The following CEP72 variants were observed in gnomAD, a reference collection of about 807,000 sequenced individuals.
CEP72 encodes centrosomal protein 72.
CEP72 carries 78 observed loss-of-function variants against 65.7 expected under a neutral mutation model. The ratio of observed to expected loss-of-function variants is 1.19; its 90% confidence interval spans 0.99 to 1.43. The LOEUF (loss-of-function observed/expected upper bound fraction) is 1.43, where lower values mean the gene tolerates loss of function less well. Among genes scored for constraint, CEP72 ranks in the 40% most tolerant of loss-of-function variants. The pLI, the probability that CEP72 is intolerant of heterozygous loss-of-function variation, is 0.00. For missense variants in CEP72, 914 were observed against 832.9 expected, an observed-to-expected ratio of 1.10 and a Z score of -1.20; for synonymous variants, 358 against 351.7, an observed-to-expected ratio of 1.02 and a Z score of -0.20.
intron 1 of CEP72, chr5:663,029 C>T (rs969132321): frequency 1.3e-5 from 2 of 150,844 alleles, no homozygotes; most frequent in Admixed American, 6.6e-5. Flanking sequence ...CGTCTGTGAT[C>T]GGGTGAGTCC....
At chr5:628,919 C>T (rs1030667516) in intron 4 of CEP72, among the ~76,000 whole-genome samples, 5 of 138,916 alleles carry the variant, frequency 3.6e-5, no homozygotes, top group Admixed American at 7.0e-5. Context: ...GGACCCAGCC[C>T]CCTTCTTTGT....
At chr5:613,525 C>T (rs1735809551) in intron 1 of CEP72, among the ~76,000 whole-genome samples, 1 of 152,172 alleles carries the variant, frequency 6.6e-6, no homozygotes, top group Admixed American at 6.5e-5. Context: ...GCCACCATGC[C>T]CGGCTAATTT....
the CEP72 span, among the ~76,000 whole-genome samples, chr5:674,126 G>A: frequency 6.6e-6 from 1 of 152,206 alleles, no homozygotes; most frequent in African/African-American, 2.4e-5. Context: ...CTCCCGCCCA[G>A]CCCTTCTAGG....
chr5:670,355 G>C (rs1740174521), downstream of CEP72, among the ~76,000 whole-genome samples: 1 of 152,344 alleles, frequency 6.6e-6, no homozygotes, highest in East Asian at 1.9e-4. Context: ...AGCTGCTGTG[G>C]CTGGAGTGCC....
downstream of CEP72, among the ~76,000 whole-genome samples, chr5:654,080 AGT>A (rs70955274): frequency 0.38 from 45,903 of 119,854 alleles, 7,302 homozygotes; most frequent in East Asian, 0.61. Context: ...GTGTGCGCCT[AGT>A]GTGTGTGTGC....
At position 620,374 on chromosome 5, in the gene CEP72, C is replaced by T. The variant is rs536778831; in HGVS notation, c.403+113C>T. 179 of 940,872 alleles carry T rather than the reference C, an allele frequency of 1.9e-4. 1 individual carries two copies. The highest frequency in any genetic ancestry group is 1.2e-3 in the African/African-American group (75 of 60,482). 58.3% of individuals were successfully genotyped at this position (940,872 alleles called of 1,614,324 possible). On this transcript the variant is annotated intron_variant, in intron 3 of 11. Coordinates refer to ENST00000264935, the MANE Select transcript of CEP72 (RefSeq NM_018140.4). The stretch of plus-strand genomic sequence containing the variant: ...GTCACATGCTTGATTCCTTCTGGAA[C>T]GGGGAGTTGGTTTTCTACGCTGGTG...
chr5:642,598 G>A lies in CEP72; in HGVS notation c.1540-1701G>A, dbSNP rs1580000543. The A allele has an allele frequency of 3.0e-6, 3 of 985,374 alleles. No individual in the cohort carries two copies. The African/African-American group carries it at 5.2e-5, about 17-fold the overall frequency. 61.0% of individuals were successfully genotyped at this position (985,374 alleles called of 1,614,324 possible). On this transcript the variant is annotated intron_variant, in intron 9 of 11. Transcript: ENST00000264935. ...GGGGTGAGAGTCACATGCAGCTGTG[G>A]CTGCCGTGGACGCCTGCTTTTTTGC...
In CEP72 at chr5:637,523, T is replaced by A; in HGVS notation, c.911T>A (p.Met304Lys). ...CATCCTCTCTATATCTCAGACTCCATGGATACCGAGGACTCGGCCTCTTCT... is the reference window on the plus strand; with the variant it reads ...CATCCTCTCTATATCTCAGACTCCAAGGATACCGAGGACTCGGCCTCTTCT... ...HTYFTPHPDS[M>K]DTEDSASSQK... Residue 304 changes from methionine to lysine, a missense_variant, in exon 7 of 12, where the codon ATG becomes AAG. Transcript: ENST00000264935. 13 of 1,612,684 alleles carry A rather than the reference T, an allele frequency of 8.1e-6. No individual in the cohort carries two copies. The highest frequency in any genetic ancestry group is 1.1e-5 in the Non-Finnish European group (13 of 1,179,094).
chr5:652,539 A>G (rs1739176087), intron 11 of CEP72, among the ~76,000 whole-genome samples: 1 of 152,246 alleles, frequency 6.6e-6, no homozygotes, highest in African/African-American at 2.4e-5. Flanking sequence ...ATTAAAGACT[A>G]GGACTCTTCT....
chr5:612,724 A>T, intron 1 of CEP72: 1 of 792,390 alleles, frequency 1.3e-6, no homozygotes, highest in Non-Finnish European at 1.5e-6. Context: ...CGCTGAGAAG[A>T]GGGAGCCGGC....
At chr5:660,081 G>C (rs966312088), downstream of CEP72, 2 of 152,188 alleles carry the variant, frequency 1.3e-5, no homozygotes, top group African/African-American at 4.8e-5. Flanking sequence ...GTGCGGTTTA[G>C]ACATCAGCAG....
chr5:649,076 G>T (rs1440367664), intron 11 of CEP72, among the ~76,000 whole-genome samples: 2 of 143,910 alleles, frequency 1.4e-5, no homozygotes. Context: ...GGACTGTGAG[G>T]TGTGACTGTG....
chr5:671,893 C>T (rs367597), downstream of CEP72, among the ~76,000 whole-genome samples: 1 of 152,214 alleles, frequency 6.6e-6, no homozygotes, highest in South Asian at 2.1e-4. Context: ...ACCCTTCCCC[C>T]GGGCTGGGTA....
downstream of CEP72, among the ~76,000 whole-genome samples, chr5:671,561 C>T (rs148812131): frequency 2.0e-5 from 3 of 152,220 alleles, no homozygotes; most frequent in South Asian, 2.1e-4. Context: ...ACTGGCCAAG[C>T]GCAGGAGACG....
At chr5:636,512 ACCT>A (rs998732854) in intron 6 of CEP72, among the ~76,000 whole-genome samples, 4 of 151,762 alleles carry the variant, frequency 2.6e-5, no homozygotes, top group East Asian at 1.9e-4. Flanking sequence ...GTATCAGAAA[ACCT>A]CCTGCCGTGA....
chr5:651,489 C>T (rs984705343), intron 11 of CEP72, among the ~76,000 whole-genome samples: 2 of 152,058 alleles, frequency 1.3e-5, no homozygotes, highest in African/African-American at 2.4e-5. Context: ...CAACCTGGTT[C>T]CCCTGGGCGG....
intron 10 of CEP72, 50 bp downstream of exon 10, chr5:644,475 G>A: frequency 1.9e-6 from 3 of 1,592,340 alleles, no homozygotes; most frequent in South Asian, 1.1e-5. Context: ...GTGTTCAAAT[G>A]TGCCTAGGTA....
rs773942723 is a variant in CEP72 at position 633,948 on chromosome 5, G to A, written c.691+1G>A. On this transcript the variant is annotated splice_donor_variant, in intron 5 of 11. Transcript: ENST00000264935. LOFTEE classifies it high-confidence loss of function. ...GAGGCCGACTCTCGTGGTTCCCAAG[G>A]TGCGCTGCTCATCTGCCAGGAGGCC... is the stretch of plus-strand genomic sequence containing the variant. The A allele has an allele frequency of 5.6e-6, 9 of 1,610,834 alleles. No homozygotes were observed. The highest frequency in any genetic ancestry group is 3.4e-6 in the Non-Finnish European group (4 of 1,179,866).
chr5:616,510 T>C (rs970335315), intron 1 of CEP72, among the ~76,000 whole-genome samples: 1 of 152,194 alleles, frequency 6.6e-6, no homozygotes, highest in Non-Finnish European at 1.5e-5. Context: ...ATTTTTCTGG[T>C]TCTTGGTCAT....
Sources: allele counts gnomAD v4.1 joint callset (sites outside exome capture counted in the v4.1 genomes callset), GRCh38; gene constraint gnomAD v4.1.1; transcripts MANE v1.5; gene names NCBI Gene and HGNC (gene_info 2026-07-23, HGNC 2026-07-21).